The following DISP1 variants were observed in gnomAD, a reference collection of about 807,000 sequenced individuals.
The protein encoded by DISP1 is protein dispatched homolog 1.
Under a neutral mutation model 37.3 loss-of-function variants are expected in DISP1, and 30 were observed. That is an observed-to-expected ratio of 0.80 (90% CI 0.60 to 1.09). The LOEUF (loss-of-function observed/expected upper bound fraction) is 1.09, where lower values mean the gene tolerates loss of function less well. Ranked by LOEUF, DISP1 falls within the 50% of genes least tolerant of loss-of-function variation. The probability of loss-of-function intolerance (pLI) is 0.00; values close to 1 mark genes in which losing one functional copy is unlikely to be tolerated. For missense variants in DISP1, 1,598 were observed against 1,879.5 expected, an observed-to-expected ratio of 0.85 and a Z score of 2.77; for synonymous variants, 634 against 690.2, an observed-to-expected ratio of 0.92 and a Z score of 1.28.
intron 2 of DISP1, among the ~76,000 whole-genome samples, chr1:222,936,072 A>G (rs1673705616): frequency 6.6e-6 from 1 of 152,180 alleles, no homozygotes; most frequent in Non-Finnish European, 1.5e-5. Flanking sequence ...AGATGTGTTT[A>G]TCATTATTTT....
At chr1:222,946,383 CAAAAAAAAA>C (rs71178514) in intron 3 of DISP1, among the ~76,000 whole-genome samples, 2 of 85,452 alleles carry the variant, frequency 2.3e-5, no homozygotes, top group African/African-American at 9.1e-5. Flanking sequence ...GACTCCATCT[CAAAAAAAAA>C]AAAAAAAAAA....
chr1:222,911,292 G>C (rs1672195395), intron 1 of DISP1, among the ~76,000 whole-genome samples: 1 of 152,168 alleles, frequency 6.6e-6, no homozygotes, highest in Admixed American at 6.5e-5. Flanking sequence ...TAGCATCAGA[G>C]AGAATCTTCT....
chr1:222,902,104 C>T (rs1417756907), intron 1 of DISP1, among the ~76,000 whole-genome samples: 1 of 151,982 alleles, frequency 6.6e-6, no homozygotes, highest in East Asian at 1.9e-4. Context: ...TTTCAAAAAA[C>T]CAGCTCCTGG....
At position 223,002,955 on chromosome 1, in the gene DISP1, G is replaced by C; in HGVS notation, c.1558G>C (p.Val520Leu). 1.2e-6 allele frequency: 2 copies of C among 1,613,890 alleles called. No individual in the cohort carries two copies. ...AIVIVLLVMCVYTKSMFITLM... is the reference protein window; with the variant it reads ...AIVIVLLVMCLYTKSMFITLM... ...TGTGATTGTCCTTTTAGTTATGTGT[G>C]TCTACACCAAGTCCATGTTTATCAC... Residue 520 changes from valine (V) to leucine (L), a missense_variant, in exon 9 of 9, where the codon GTC (valine) becomes CTC (leucine). Val to Leu is a conservative substitution (Grantham distance 32). Transcript: ENST00000675850.
intron 1 of DISP1, among the ~76,000 whole-genome samples, chr1:222,850,753 T>G (rs536936202): frequency 5.9e-5 from 9 of 152,320 alleles, no homozygotes; most frequent in African/African-American, 2.2e-4. Context: ...CCCTCCATGT[T>G]CCCTCAAAAG....
chr1:222,936,920 T>TAC (rs1558340486), intron 2 of DISP1, among the ~76,000 whole-genome samples: 1 of 60,352 alleles, frequency 1.7e-5, no homozygotes, highest in African/African-American at 5.7e-5. Context: ...TATTATATAT[T>TAC]ATATAATATG....
At chr1:222,832,093 A>G (rs1438150096) in intron 1 of DISP1, among the ~76,000 whole-genome samples, 1 of 152,130 alleles carries the variant, frequency 6.6e-6, no homozygotes, top group Admixed American at 6.5e-5. Context: ...CAGCCTGGCC[A>G]ACATGATGAA....
At chr1:222,917,674 G>A (rs1301212419) in intron 1 of DISP1, among the ~76,000 whole-genome samples, 1 of 152,182 alleles carries the variant, frequency 6.6e-6, no homozygotes, top group African/African-American at 2.4e-5. Flanking sequence ...AGAAGAGGGA[G>A]GATGAAAATT....
At chr1:222,846,370 A>ACAC (rs1667897443) in intron 1 of DISP1, among the ~76,000 whole-genome samples, 1 of 152,248 alleles carries the variant, frequency 6.6e-6, no homozygotes, top group South Asian at 2.1e-4. Flanking sequence ...GCATGCCTGT[A>ACAC]ATCCCAGGTA....
At chr1:222,833,785 A>G (rs2125252022) in intron 1 of DISP1, among the ~76,000 whole-genome samples, 1 of 152,280 alleles carries the variant, frequency 6.6e-6, no homozygotes, top group South Asian at 2.1e-4. Context: ...GAGCTAGAAG[A>G]CCTAGGCTTG....
At chr1:222,863,325 A>G (rs1351523945) in intron 1 of DISP1, among the ~76,000 whole-genome samples, 7 of 131,330 alleles carry the variant, frequency 5.3e-5, no homozygotes. Context: ...GTTCAAGAAC[A>G]GCCTGGCAAT....
chr1:222,859,702 G>A (rs1022838428), intron 1 of DISP1, among the ~76,000 whole-genome samples: 1 of 152,166 alleles, frequency 6.6e-6, no homozygotes, highest in Non-Finnish European at 1.5e-5. Context: ...AGAAAATAAA[G>A]TGGAGATGTA....
intron 8 of DISP1, among the ~76,000 whole-genome samples, chr1:222,997,296 C>G (rs892326654): frequency 2.0e-5 from 3 of 152,092 alleles, no homozygotes; most frequent in Non-Finnish European, 4.4e-5. Flanking sequence ...TATCTGTAAC[C>G]TCCCAGCAGC....
rs1253520827 is a variant in DISP1, at chr1:222,977,269, G to A, written c.510-5811G>A. Among the ~76,000 whole-genome samples, 4 of 151,168 alleles carry A rather than the reference G, an allele frequency of 2.6e-5. No homozygotes were observed. In the East Asian group the frequency reaches 7.8e-4, roughly 29 times the overall value. ...GGCTGCTCTTGAACTTCCGACCTCA[G>A]GTGATCTGCCAGCTCTGGCCTCCCA... On this transcript the variant is annotated intron_variant, in intron 3 of 8. Transcript: ENST00000675850.
chr1:222,988,718 A>G (rs1460577458), intron 4 of DISP1, among the ~76,000 whole-genome samples: 2 of 135,502 alleles, frequency 1.5e-5, no homozygotes, highest in South Asian at 4.5e-4. Context: ...CAGTGATATG[A>G]TCTCTGCTCA....
rs1253829916 is a variant in DISP1, at chr1:222,991,542, C to A, written c.686C>A (p.Ala229Glu). The change falls in exon 6 of 9, where the codon GCA (alanine) becomes GAA (glutamate). Residue 229 changes from alanine to glutamate, a missense_variant. Transcript: ENST00000675850. ...TAGGGTTTTGAACCAAGAGGAACAG[C>A]AATAGGCCAGAGATTGGTCACATGG... ...PLLGFEPRGT[A>E]IGQRLVTWNN... is the part of the protein sequence containing the mutation. 1 of 1,613,638 alleles carries A rather than the reference C, an allele frequency of 6.2e-7. No individual in the cohort carries two copies. Among genetic ancestry groups the A allele is most frequent in the Non-Finnish European group, 8.5e-7 (1 of 1,179,842 alleles).
chr1:222,874,429 T>A (rs1012496080), intron 1 of DISP1, among the ~76,000 whole-genome samples: 1 of 152,216 alleles, frequency 6.6e-6, no homozygotes, highest in Non-Finnish European at 1.5e-5. Flanking sequence ...AGTCCCATAT[T>A]TCTTGGAGGC....
chr1:222,967,353 C>A (rs1324283738), intron 3 of DISP1, among the ~76,000 whole-genome samples: 2 of 152,048 alleles, frequency 1.3e-5, no homozygotes, highest in Admixed American at 6.6e-5. Flanking sequence ...GAAATTGTAT[C>A]TTTGATTTCT....
intron 1 of DISP1, among the ~76,000 whole-genome samples, chr1:222,830,601 C>T (rs1296065838): frequency 1.3e-5 from 2 of 152,064 alleles, no homozygotes; most frequent in East Asian, 3.9e-4. Context: ...AGGCTGGTCT[C>T]GAACTCCTGA....
Sources: allele counts gnomAD v4.1 joint callset (sites outside exome capture counted in the v4.1 genomes callset), GRCh38; gene constraint gnomAD v4.1.1; transcripts MANE v1.5; gene names NCBI Gene and HGNC (gene_info 2026-07-23, HGNC 2026-07-21).